Variants in SLC30A9 observed in about 807,000 individuals in gnomAD.
The protein encoded by SLC30A9 is proton-coupled zinc antiporter SLC30A9, mitochondrial.
A neutral mutation model predicts 87.5 loss-of-function variants in SLC30A9; 58 were observed. That is an observed-to-expected ratio of 0.66 (90% CI 0.54 to 0.82). The LOEUF is 0.82. Ranked by LOEUF, SLC30A9 falls within the 40% of genes least tolerant of loss-of-function variation. The pLI is 0.00. For missense variants in SLC30A9, 557 were observed against 679.1 expected (o/e 0.82, Z 2.00); for synonymous variants, 234 against 233.0 (o/e 1.00, Z -0.04).
chr4:42,054,797 G>A (rs998161551), intron 9 of SLC30A9, among the ~76,000 whole-genome samples: 13 of 151,208 alleles, frequency 8.6e-5, no homozygotes, highest in African/African-American at 2.9e-4. Flanking sequence ...CACCGCACCC[G>A]GCCAGGAATT....
intron 3 of SLC30A9, chr4:42,018,561 C>G (rs562385039): frequency 1.5e-5 from 8 of 535,038 alleles, no homozygotes; most frequent in African/African-American, 1.4e-4. Flanking sequence ...TGAAGGAATT[C>G]CTGTTTGTAG....
intron 6 of SLC30A9, 121 bp from the exon 7 acceptor site, chr4:42,035,154 A>C: frequency 1.1e-6 from 1 of 945,494 alleles, no homozygotes; most frequent in Non-Finnish European, 1.6e-6. Flanking sequence ...TTTATAACTT[A>C]ATATTTTTGC....
intron 2 of SLC30A9, among the ~76,000 whole-genome samples, chr4:42,003,305 T>A (rs1220046407): frequency 6.6e-6 from 1 of 152,170 alleles, no homozygotes; most frequent in Non-Finnish European, 1.5e-5. Context: ...TAATTGCTGG[T>A]GTGGTGTTTA....
At chr4:41,990,823 G>T in intron 1 of SLC30A9, 63 bp downstream of exon 1, 2 of 1,240,388 alleles carry the variant, frequency 1.6e-6, no homozygotes, top group Admixed American at 3.9e-5. Flanking sequence ...GGCTGGGCTC[G>T]GCGCCTCGCC....
chr4:42,040,949 C>T (rs1382861655), intron 8 of SLC30A9, among the ~76,000 whole-genome samples: 1 of 152,046 alleles, frequency 6.6e-6, no homozygotes, highest in Non-Finnish European at 1.5e-5. Context: ...GGGCAATTTA[C>T]AAAAGAAAGA....
intron 2 of SLC30A9, among the ~76,000 whole-genome samples, chr4:42,017,388 T>TA: frequency 7.1e-6 from 1 of 140,372 alleles, no homozygotes; most frequent in Non-Finnish European, 1.6e-5. Context: ...TTTTTTTTTT[T>TA]ATGGGATTAC....
intron 8 of SLC30A9, among the ~76,000 whole-genome samples, chr4:42,047,225 C>T (rs1268778239): frequency 6.6e-6 from 1 of 152,182 alleles, no homozygotes; most frequent in Non-Finnish European, 1.5e-5. Flanking sequence ...CCAAAATTGA[C>T]AAATGGGATC....
rs1485568252 is a variant in SLC30A9 at position 42,087,662 on chromosome 4, GTTTTAT to G, written c.*1542_*1547del. On this transcript the variant is annotated 3_prime_UTR_variant, in exon 18 of 18. Transcript: ENST00000264451. ...ACATTTTAAGTGAAATAACATTCCA[GTTTTAT>G]TTTTAAGATAGAAAATTGTTATATA... 1 of 147,862 alleles carries G rather than the reference GTTTTAT, an allele frequency of 6.8e-6. No homozygotes were observed. The highest frequency in any genetic ancestry group is 2.0e-4 in the East Asian group (1 of 5,108). 9.2% of individuals were successfully genotyped at this position (147,862 alleles called of 1,614,324 possible). A position where few individuals can be genotyped will look rare whatever the true frequency, so the allele number is the denominator to read the frequency against.
At chr4:42,080,160 G>A (rs1577726515) in intron 17 of SLC30A9, among the ~76,000 whole-genome samples, 1 of 152,236 alleles carries the variant, frequency 6.6e-6, no homozygotes, top group South Asian at 2.1e-4. Context: ...TATAACAGCT[G>A]GTAGAAACCA....
intron 5 of SLC30A9, 94 bp downstream of exon 5, chr4:42,023,024 T>G: frequency 1.4e-6 from 1 of 710,752 alleles, no homozygotes; most frequent in East Asian, 2.7e-5. Flanking sequence ...TTAAATGACT[T>G]TTTAAAAACA....
chr4:42,035,361 T>C (rs369731449), intron 7 of SLC30A9, 28 bp downstream of exon 7: 40 of 1,596,976 alleles, frequency 2.5e-5, no homozygotes, highest in African/African-American at 5.4e-5. Context: ...ATAATGTGTG[T>C]GTTTGTGTTG....
chr4:42,050,947 G>A (rs150310228), intron 9 of SLC30A9, among the ~76,000 whole-genome samples: 1 of 152,292 alleles, frequency 6.6e-6, no homozygotes, highest in East Asian at 1.9e-4. Context: ...AGAGGAAGGA[G>A]CTACAAGGAC....
At chr4:42,056,665 A>G (rs1717629204) in intron 9 of SLC30A9, among the ~76,000 whole-genome samples, 1 of 152,080 alleles carries the variant, frequency 6.6e-6, no homozygotes, top group African/African-American at 2.4e-5. Context: ...AAAACCAGTC[A>G]TGCCTTCCCA....
At chr4:42,067,332 T>G in intron 14 of SLC30A9, 140 bp downstream of exon 14, 1 of 591,822 alleles carries the variant, frequency 1.7e-6, no homozygotes, top group South Asian at 2.0e-5. Flanking sequence ...CATTGACTTA[T>G]GTAAGACATT....
At chr4:42,014,605 CA>C (rs1456348627) in intron 2 of SLC30A9, among the ~76,000 whole-genome samples, 2 of 151,894 alleles carry the variant, frequency 1.3e-5, no homozygotes, top group African/African-American at 4.8e-5. Flanking sequence ...TCTGCATTCC[CA>C]TGTTTATTGC....
intron 17 of SLC30A9, among the ~76,000 whole-genome samples, chr4:42,084,444 G>GGT (rs1466564884): frequency 6.6e-6 from 1 of 151,268 alleles, no homozygotes; most frequent in Non-Finnish European, 1.5e-5. Flanking sequence ...AGTTGATTTA[G>GGT]GTGCCCTTCC....
intron 14 of SLC30A9, chr4:42,070,073 ATTATT>A (rs1264252949): frequency 6.5e-6 from 1 of 152,960 alleles, no homozygotes; most frequent in Non-Finnish European, 1.5e-5. Flanking sequence ...AGTCACCCAT[ATTATT>A]TTCTGTAGGG....
chr4:42,042,892 G>A (rs1716981064), intron 8 of SLC30A9, among the ~76,000 whole-genome samples: 1 of 152,174 alleles, frequency 6.6e-6, no homozygotes, highest in Admixed American at 6.6e-5. Flanking sequence ...AGGCAGCAAT[G>A]TTTGCTGTTC....
At chr4:42,067,888 G>A (rs188376222) in intron 14 of SLC30A9, among the ~76,000 whole-genome samples, 1 of 152,260 alleles carries the variant, frequency 6.6e-6, no homozygotes, top group Non-Finnish European at 1.5e-5. Flanking sequence ...TGAACTGCTA[G>A]GATAGGCTCA....
Sources: allele counts gnomAD v4.1 joint callset (sites outside exome capture counted in the v4.1 genomes callset), GRCh38; gene constraint gnomAD v4.1.1; transcripts MANE v1.5; gene names NCBI Gene and HGNC (gene_info 2026-07-23, HGNC 2026-07-21).